Variants in SLC17A5 observed in about 807,000 individuals in gnomAD.
The protein encoded by SLC17A5 is sialin.
SLC17A5 carries 47 observed loss-of-function variants against 59.4 expected under a neutral mutation model. The observed-to-expected ratio is 0.79, with a 90% CI of 0.63 to 1.01. SLC17A5 has a LOEUF of 1.01. Ranked by LOEUF, SLC17A5 falls within the 50% of genes least tolerant of loss-of-function variation. The pLI is 0.00. For missense variants in SLC17A5, 522 were observed against 595.5 expected (o/e 0.88, Z 1.28); for synonymous variants, 202 against 210.7 (o/e 0.96, Z 0.36).
chr6:73,615,880 CT>C (rs71674685), intron 7 of SLC17A5, among the ~76,000 whole-genome samples: 6,729 of 97,596 alleles, frequency 0.069, 447 homozygotes, highest in African/African-American at 0.19. Context: ...ATGAATCATT[CT>C]TTTTTTTTTT....
At chr6:73,621,303 C>A (rs993146881) in intron 7 of SLC17A5, among the ~76,000 whole-genome samples, 2 of 152,222 alleles carry the variant, frequency 1.3e-5, no homozygotes, top group South Asian at 2.1e-4. Flanking sequence ...CCGCGCCTGG[C>A]CTTTTTTGTA....
chr6:73,602,163 A>C (rs1185282340), intron 9 of SLC17A5, among the ~76,000 whole-genome samples: 1 of 151,320 alleles, frequency 6.6e-6, no homozygotes, highest in African/African-American at 2.4e-5. Flanking sequence ...TCTCTGAAAC[A>C]TGTGCTGTGT....
At chr6:73,644,654 T>G (rs1199070701) in intron 1 of SLC17A5, 51 bp from the exon 2 acceptor site, 1 of 1,517,716 alleles carries the variant, frequency 6.6e-7, no homozygotes, top group African/African-American at 1.4e-5. Flanking sequence ...TTTTTATTTT[T>G]AGAGACAGGG....
intron 10 of SLC17A5, among the ~76,000 whole-genome samples, chr6:73,599,462 G>A (rs887421405): frequency 1.3e-5 from 2 of 152,206 alleles, no homozygotes; most frequent in Admixed American, 1.3e-4. Context: ...ATACAAGACT[G>A]TAATTCAGGA....
At chr6:73,632,431 A>T (rs1392067390) in intron 6 of SLC17A5, among the ~76,000 whole-genome samples, 1 of 123,044 alleles carries the variant, frequency 8.1e-6, no homozygotes, top group Non-Finnish European at 1.9e-5. Context: ...GATGTAGAGA[A>T]AGCTTTTTTT....
At position 73,637,646 on chromosome 6, in the gene SLC17A5, C is replaced by T. The variant is rs140195699; in HGVS notation, c.613+766G>A. Reference sequence around the variant, plus strand: ...CAAGGTAGTTTTCCACTTCTTTTAACCCTTATGTTATTTCTTGCCTGAGTG... The same window carrying T: ...CAAGGTAGTTTTCCACTTCTTTTAATCCTTATGTTATTTCTTGCCTGAGTG... On this transcript the variant is annotated intron_variant, in intron 4 of 10. Coordinates refer to ENST00000355773, the MANE Select transcript of SLC17A5 (RefSeq NM_012434.5). 6.1e-3 allele frequency among the ~76,000 whole-genome samples: 933 copies of T among 152,158 alleles called. 4 individuals carry two copies. Among genetic ancestry groups the T allele is most frequent in the Middle Eastern group, 0.01 (3 of 294 alleles).
chr6:73,599,890 G>A (rs9352013), intron 10 of SLC17A5, among the ~76,000 whole-genome samples: 8,618 of 151,998 alleles, frequency 0.057, 445 homozygotes, highest in Admixed American at 0.17. Flanking sequence ...TCCGCCTCCT[G>A]GGTTTGAGCG....
intron 1 of SLC17A5, chr6:73,653,588 C>G (rs1769973910): frequency 1.4e-6 from 1 of 729,970 alleles, no homozygotes; most frequent in African/African-American, 1.9e-5. Context: ...GTCGCGGCCC[C>G]CGGGGTTCCC....
In SLC17A5 at chr6:73,646,820, A is replaced by T. The variant is rs374042761; in HGVS notation, c.95-2217T>A. Among the ~76,000 whole-genome samples the T allele has an allele frequency of 1.3e-4, 20 of 152,148 alleles. No individual in the cohort carries two copies. The East Asian group carries it at 3.3e-3, about 25-fold the overall frequency. ...CTTGAGTAGCTGGGACTAAAGGCAT[A>T]TGGCAGCATATCTGACTAATTTTTA... On this transcript the variant is annotated intron_variant, in intron 1 of 10. Transcript: ENST00000355773.
At chr6:73,596,738 C>T (rs969726984) in intron 10 of SLC17A5, among the ~76,000 whole-genome samples, 2 of 152,078 alleles carry the variant, frequency 1.3e-5, no homozygotes, top group African/African-American at 4.8e-5. Flanking sequence ...TGCCTGTAGT[C>T]CCAGCTACTC....
chr6:73,632,499 G>A (rs1180796836), intron 6 of SLC17A5, among the ~76,000 whole-genome samples: 6 of 139,354 alleles, frequency 4.3e-5, no homozygotes, highest in Non-Finnish European at 9.1e-5. Context: ...CTGGAGTGCA[G>A]TGGCACAAAC....
At position 73,615,417 on chromosome 6, in the gene SLC17A5, CTA is replaced by C. The variant is rs386833987; in HGVS notation, c.1007_1008del (p.Leu336TrpfsTer14). On this transcript the variant is annotated frameshift_variant, in exon 8 of 11. Transcript: ENST00000355773. LOFTEE classifies it high-confidence loss of function. ...GACAGGATCATACATAACCAAGAGC[CTA>C]AATAAGGCAATGAAGATAAAAACCC... ...ENGFLSSLPY[L>X]GSWLCMILSG... 4.3e-6 allele frequency: 7 copies of C among 1,613,504 alleles called. No individual in the cohort carries two copies. The highest frequency in any genetic ancestry group is 4.2e-6 in the Non-Finnish European group (5 of 1,179,940).
intron 9 of SLC17A5, among the ~76,000 whole-genome samples, chr6:73,602,590 T>C (rs372212653): frequency 6.6e-6 from 1 of 151,980 alleles, no homozygotes; most frequent in Admixed American, 6.6e-5. Flanking sequence ...CTGGCTAACA[T>C]GGTGAAACCC....
chr6:73,628,441 C>T (rs936566338), intron 6 of SLC17A5, among the ~76,000 whole-genome samples: 3 of 151,912 alleles, frequency 2.0e-5, no homozygotes, highest in Admixed American at 6.6e-5. Context: ...AATGGTGATG[C>T]GTGCATGTAA....
chr6:73,617,818 C>T (rs1024606758), intron 7 of SLC17A5, among the ~76,000 whole-genome samples: 2 of 152,310 alleles, frequency 1.3e-5, no homozygotes, highest in Middle Eastern at 3.4e-3. Flanking sequence ...CCAGCCTGGG[C>T]AACAACCTAA....
intron 4 of SLC17A5, among the ~76,000 whole-genome samples, chr6:73,636,965 T>A (rs1769035034): frequency 6.6e-6 from 1 of 151,936 alleles, no homozygotes. Flanking sequence ...ACGCCTGTAG[T>A]ACCAGCTACT....
chr6:73,630,805 G>C (rs1050288919), intron 6 of SLC17A5, among the ~76,000 whole-genome samples: 1 of 152,116 alleles, frequency 6.6e-6, no homozygotes, highest in African/African-American at 2.4e-5. Flanking sequence ...CAAGCACTTC[G>C]GGAGATGAAG....
chr6:73,637,973 A>G (rs1041286556), intron 4 of SLC17A5, among the ~76,000 whole-genome samples: 3 of 152,200 alleles, frequency 2.0e-5, no homozygotes, highest in African/African-American at 7.2e-5. Context: ...GGGGTTGAGA[A>G]TCATGATACA....
chr6:73,638,322 C>T, intron 4 of SLC17A5, 90 bp downstream of exon 4: 2 of 890,574 alleles, frequency 2.2e-6, no homozygotes, highest in Non-Finnish European at 3.7e-6. Flanking sequence ...TCCAATCCAA[C>T]ATTGCATCGT....
Sources: gnomAD v4.1 joint callset for allele counts (sites outside exome capture counted in the v4.1 genomes callset) on GRCh38, gnomAD v4.1.1 for gene constraint, MANE v1.5 for transcripts, NCBI Gene and HGNC (gene_info 2026-07-23, HGNC 2026-07-21) for gene names.